The following ASTN2 variants were observed in gnomAD, a reference collection of about 807,000 sequenced individuals.
ASTN2 encodes astrotactin 2.
In ASTN2, 54 loss-of-function variants were observed where a neutral mutation model predicts 139.8. The ratio of observed to expected loss-of-function variants is 0.39; its 90% CI spans 0.31 to 0.48. The LOEUF (loss-of-function observed/expected upper bound fraction) is 0.48. Among genes scored for constraint, ASTN2 ranks in the 20% least tolerant of loss-of-function variants. The pLI is 0.95. For synonymous variants in ASTN2, 756 were observed against 719.5 expected (o/e 1.05, Z -0.81); for missense variants, 1,565 against 1,725.1 (o/e 0.91, Z 1.64).
intron 2 of ASTN2, among the ~76,000 whole-genome samples, chr9:117,271,598 T>C (rs1834066108): frequency 6.6e-6 from 1 of 152,168 alleles, no homozygotes. Context: ...TATGAGCCTG[T>C]AAAATCAAAA....
intron 20 of ASTN2, among the ~76,000 whole-genome samples, chr9:116,451,239 ACAGTG>A (rs761348800): frequency 5.3e-5 from 8 of 152,246 alleles, no homozygotes; most frequent in Non-Finnish European, 1.0e-4. Context: ...CCTAAAATTC[ACAGTG>A]CAGTGAACAC....
At chr9:116,451,847 T>C (rs1029715574) in intron 20 of ASTN2, among the ~76,000 whole-genome samples, 4 of 152,006 alleles carry the variant, frequency 2.6e-5, no homozygotes, top group African/African-American at 4.8e-5. Flanking sequence ...AGTGTATTCA[T>C]TCACTCATCA....
intron 2 of ASTN2, among the ~76,000 whole-genome samples, chr9:117,242,176 T>A (rs1038441262): frequency 6.6e-6 from 1 of 152,060 alleles, no homozygotes; most frequent in Non-Finnish European, 1.5e-5. Context: ...CACATTACTA[T>A]AAATCCTCTT....
chr9:116,900,459 T>C (rs751593550), intron 10 of ASTN2, among the ~76,000 whole-genome samples: 5 of 152,158 alleles, frequency 3.3e-5, no homozygotes, highest in African/African-American at 4.8e-5. Flanking sequence ...TTCTGTGATA[T>C]GTAATTTGTA....
At chr9:117,351,836 A>G (rs755812562) in intron 1 of ASTN2, among the ~76,000 whole-genome samples, 1 of 152,128 alleles carries the variant, frequency 6.6e-6, no homozygotes, top group Non-Finnish European at 1.5e-5. Context: ...TGGAGCCCCA[A>G]AGAGAAGGCC....
rs542406350 is a variant in ASTN2, at chr9:116,482,183, G to A, written c.3497+5176C>T. ...CTACTGAAAACACAAAATATTAGCC[G>A]GGCGTGGTGGCAGGCGCCTGTAGTC... On this transcript the variant is annotated intron_variant, in intron 20 of 22. Transcript: ENST00000313400. 1.4e-4 allele frequency among the ~76,000 whole-genome samples: 22 copies of A among 152,216 alleles called. No homozygotes were observed. In the South Asian group the frequency reaches 1.5e-3, roughly 10 times the overall value.
intron 7 of ASTN2, among the ~76,000 whole-genome samples, chr9:116,994,148 T>C (rs1397439892): frequency 3.9e-5 from 6 of 151,980 alleles, no homozygotes; most frequent in Non-Finnish European, 1.5e-5. Flanking sequence ...TTGGCAAAAT[T>C]TTTCTGTAAA....
chr9:117,104,522 G>C (rs1365246977), intron 4 of ASTN2, among the ~76,000 whole-genome samples: 3 of 152,176 alleles, frequency 2.0e-5, no homozygotes, highest in Non-Finnish European at 4.4e-5. Flanking sequence ...GAGATGGCAT[G>C]ATCTACGGTT....
At chr9:116,619,335 C>T (rs1193386253) in intron 18 of ASTN2, among the ~76,000 whole-genome samples, 1 of 152,026 alleles carries the variant, frequency 6.6e-6, no homozygotes, top group Admixed American at 6.6e-5. Flanking sequence ...TTTCCAGTGT[C>T]TGGCCCTTCG....
chr9:116,729,898 G>T (rs1437342798), intron 14 of ASTN2, among the ~76,000 whole-genome samples: 1 of 152,236 alleles, frequency 6.6e-6, no homozygotes, highest in South Asian at 2.1e-4. Context: ...TTGTATGAAA[G>T]GTCCTTTGGA....
Position 116,725,841 on chromosome 9 carries a change from T to C in ASTN2, c.2736A>G (p.Ser912=), listed in dbSNP as rs1348169410. 1 of 1,614,024 alleles carries C rather than the reference T, an allele frequency of 6.2e-7. No individual in the cohort carries two copies. The change falls in exon 16 of 23, where the codon TCA becomes TCG. Residue 912 remains serine (S), a synonymous_variant. Coordinates refer to ENST00000313400, the MANE Select transcript of ASTN2 (RefSeq NM_001365068.1). ...SHYIAEALYG[S]ELTCIIHFPS... is the part of the protein sequence containing the mutation. ...GAAAGTGGATGATGCAGGTGAGCTC[T>C]GAGCCATAGAGGGCCTCTGCGATGT...
intron 19 of ASTN2, among the ~76,000 whole-genome samples, chr9:116,581,354 T>G (rs1041014052): frequency 1.3e-5 from 2 of 152,142 alleles, no homozygotes; most frequent in African/African-American, 4.8e-5. Context: ...TCCAATCAGT[T>G]GACCACTACC....
intron 19 of ASTN2, among the ~76,000 whole-genome samples, chr9:116,608,887 A>C (rs1258541986): frequency 1.3e-5 from 2 of 152,204 alleles, no homozygotes; most frequent in Admixed American, 6.5e-5. Context: ...AAAAAAAATT[A>C]AGAAATAGAA....
At chr9:116,475,890 C>T (rs1848964296) in intron 20 of ASTN2, among the ~76,000 whole-genome samples, 2 of 152,216 alleles carry the variant, frequency 1.3e-5, no homozygotes, top group South Asian at 4.1e-4. Context: ...TTCCACATTC[C>T]AGTTACACTC....
At chr9:117,347,776 C>G (rs1045014589) in intron 1 of ASTN2, among the ~76,000 whole-genome samples, 1 of 152,096 alleles carries the variant, frequency 6.6e-6, no homozygotes, top group Admixed American at 6.6e-5. Context: ...TAAAGAGGAA[C>G]AAAAAGACAC....
intron 5 of ASTN2, among the ~76,000 whole-genome samples, chr9:117,088,395 T>A (rs532136947): frequency 5.9e-5 from 9 of 152,308 alleles, no homozygotes; most frequent in Admixed American, 2.0e-4. Flanking sequence ...TCTGATCCAT[T>A]TTGGGACTCA....
At chr9:117,015,973 C>G (rs1564385216) in intron 6 of ASTN2, among the ~76,000 whole-genome samples, 1 of 151,952 alleles carries the variant, frequency 6.6e-6, no homozygotes, top group Non-Finnish European at 1.5e-5. Flanking sequence ...TTTCCTTAAC[C>G]ACCTCCCACC....
At chr9:116,964,785 G>C (rs903692103) in intron 10 of ASTN2, among the ~76,000 whole-genome samples, 1 of 152,166 alleles carries the variant, frequency 6.6e-6, no homozygotes, top group Non-Finnish European at 1.5e-5. Flanking sequence ...TCTGCTACAA[G>C]CCAGAAATTT....
chr9:116,667,244 C>T (rs1390134698), intron 16 of ASTN2, among the ~76,000 whole-genome samples: 3 of 152,028 alleles, frequency 2.0e-5, no homozygotes, highest in East Asian at 1.9e-4. Flanking sequence ...GCGTGAACCA[C>T]CACACCTGGC....
Sources: allele counts gnomAD v4.1 joint callset (sites outside exome capture counted in the v4.1 genomes callset), GRCh38; gene constraint gnomAD v4.1.1; transcripts MANE v1.5; gene names NCBI Gene and HGNC (gene_info 2026-07-23, HGNC 2026-07-21).